Variants in TOX observed in about 807,000 individuals in gnomAD.
The protein encoded by TOX is thymocyte selection-associated high mobility group box protein TOX.
A neutral mutation model predicts 53.7 loss-of-function variants in TOX; 11 were observed. The observed-to-expected ratio is 0.20, with a 90% CI of 0.13 to 0.34. The LOEUF (loss-of-function observed/expected upper bound fraction) is 0.34. TOX is among the 10% of genes least tolerant of loss of function. The pLI is 1.00. For missense variants in TOX, 570 were observed against 664.6 expected, an observed-to-expected ratio of 0.86 and a Z score of 1.56; for synonymous variants, 225 against 245.3, an observed-to-expected ratio of 0.92 and a Z score of 0.77.
chr8:58,868,934 G>C (rs181442533), intron 3 of TOX, among the ~76,000 whole-genome samples: 1 of 150,044 alleles, frequency 6.7e-6, no homozygotes, highest in African/African-American at 2.4e-5. Flanking sequence ...TAGACCTCTA[G>C]ACAGGCTAGT....
At chr8:58,814,103 AT>A (rs1810131608) in intron 7 of TOX, among the ~76,000 whole-genome samples, 1 of 152,202 alleles carries the variant, frequency 6.6e-6, no homozygotes, top group African/African-American at 2.4e-5. Flanking sequence ...TATTAAAAGC[AT>A]TGGGCTTGTT....
At chr8:58,985,716 T>C (rs1482929763) in intron 1 of TOX, among the ~76,000 whole-genome samples, 1 of 152,250 alleles carries the variant, frequency 6.6e-6, no homozygotes, top group Non-Finnish European at 1.5e-5. Context: ...AAGGCAGGAC[T>C]GGTATACATT....
In TOX at chr8:58,840,309, A is replaced by G. The variant is rs138981927; in HGVS notation, c.694-1998T>C. Among the ~76,000 whole-genome samples the G allele has an allele frequency of 3.1e-4, 47 of 152,322 alleles. No individual in the cohort carries two copies. The East Asian group carries it at 8.9e-3, about 29-fold the overall frequency. ...GTGAACCAAGTTGACAAGCTAATGT[A>G]GATTAACACTAGATGATAACTTCCC... On this transcript the variant is annotated intron_variant, in intron 4 of 8. Transcript: ENST00000361421.
At chr8:59,071,420 A>G (rs1804195761) in intron 1 of TOX, among the ~76,000 whole-genome samples, 1 of 152,244 alleles carries the variant, frequency 6.6e-6, no homozygotes, top group Admixed American at 6.5e-5. Context: ...CCTCCAAAAC[A>G]AAGATGTTCC....
chr8:58,966,071 A>G (rs1175946719), intron 1 of TOX, among the ~76,000 whole-genome samples: 1 of 152,050 alleles, frequency 6.6e-6, no homozygotes, highest in African/African-American at 2.4e-5. Context: ...TCCAGTGAAA[A>G]CTGAGCAAAG....
intron 1 of TOX, among the ~76,000 whole-genome samples, chr8:59,104,905 T>C (rs986305608): frequency 3.3e-5 from 5 of 152,208 alleles, no homozygotes; most frequent in African/African-American, 1.2e-4. Context: ...ACATCAATTA[T>C]ACTGTGGTTC....
intron 3 of TOX, among the ~76,000 whole-genome samples, chr8:58,910,467 C>G (rs140215949): frequency 4.5e-4 from 69 of 152,246 alleles, no homozygotes; most frequent in African/African-American, 1.6e-3. Flanking sequence ...CCTGTGTGAA[C>G]AGAAATACCA....
At chr8:58,857,161 T>C (rs1205316217) in intron 3 of TOX, among the ~76,000 whole-genome samples, 1 of 152,198 alleles carries the variant, frequency 6.6e-6, no homozygotes, top group African/African-American at 2.4e-5. Context: ...ACAATTAGAA[T>C]TGATGATGCC....
intron 1 of TOX, among the ~76,000 whole-genome samples, chr8:59,078,779 G>A (rs576625555): frequency 7.2e-4 from 109 of 152,328 alleles, no homozygotes; most frequent in Middle Eastern, 3.4e-3. Flanking sequence ...ACAGTTTGGA[G>A]GGCTCAGAAG....
chr8:58,898,127 T>A (rs1024720114), intron 3 of TOX, among the ~76,000 whole-genome samples: 2 of 152,184 alleles, frequency 1.3e-5, no homozygotes, highest in African/African-American at 4.8e-5. Context: ...ATCTCATAAT[T>A]CTATGCAAAT....
chr8:59,062,051 A>G (rs573042227), intron 1 of TOX, among the ~76,000 whole-genome samples: 128 of 152,284 alleles, frequency 8.4e-4, no homozygotes, highest in African/African-American at 2.8e-3. Context: ...TGGGATCTCC[A>G]GTGTGTCTCT....
intron 3 of TOX, among the ~76,000 whole-genome samples, chr8:58,935,041 A>C (rs1212834324): frequency 6.6e-5 from 10 of 152,234 alleles, no homozygotes; most frequent in African/African-American, 2.4e-4. Context: ...GTTGATGTCT[A>C]ATATATTAGG....
intron 3 of TOX, among the ~76,000 whole-genome samples, chr8:58,874,274 T>C (rs1349838385): frequency 6.6e-6 from 1 of 151,998 alleles, no homozygotes; most frequent in Non-Finnish European, 1.5e-5. Flanking sequence ...AGGGAAAGTT[T>C]TTTAGTTTAG....
At chr8:58,947,226 T>A (rs1007569307) in intron 2 of TOX, among the ~76,000 whole-genome samples, 1 of 152,132 alleles carries the variant, frequency 6.6e-6, no homozygotes, top group Non-Finnish European at 1.5e-5. Context: ...AATACAAATT[T>A]CAGATAATTT....
chr8:58,839,725 G>T (rs1475559107), intron 4 of TOX, among the ~76,000 whole-genome samples: 1 of 152,260 alleles, frequency 6.6e-6, no homozygotes, highest in East Asian at 1.9e-4. Context: ...ACCTTCTATT[G>T]TGGTGGTTGT....
intron 3 of TOX, among the ~76,000 whole-genome samples, chr8:58,874,311 A>G (rs1811249618): frequency 6.6e-6 from 1 of 152,010 alleles, no homozygotes; most frequent in Admixed American, 6.6e-5. Flanking sequence ...ATTCAGAATG[A>G]TGGAATTTTT....
rs1001588051 is a variant in TOX at position 59,107,353 on chromosome 8, C to A, written c.102+11533G>T. 3.3e-4 allele frequency among the ~76,000 whole-genome samples: 50 copies of A among 152,092 alleles called. 1 individual carries two copies. The highest frequency in any genetic ancestry group is 5.9e-5 in the Non-Finnish European group (4 of 68,018). On this transcript the variant is annotated intron_variant, in intron 1 of 8. Transcript: ENST00000361421. Reference sequence around the variant, plus strand: ...GTTGAACATCTAATCAAAGACTGTGCCCTTCATAATAGCATATTAGTGTGC... The same window carrying A: ...GTTGAACATCTAATCAAAGACTGTGACCTTCATAATAGCATATTAGTGTGC...
chr8:58,913,652 A>G (rs143178186), intron 3 of TOX, among the ~76,000 whole-genome samples: 1 of 152,158 alleles, frequency 6.6e-6, no homozygotes, highest in South Asian at 2.1e-4. Flanking sequence ...GTTTCATAAA[A>G]TTTTTTATTT....
chr8:59,108,866 T>C (rs1804961650), intron 1 of TOX, among the ~76,000 whole-genome samples: 2 of 152,154 alleles, frequency 1.3e-5, no homozygotes, highest in Non-Finnish European at 2.9e-5. Flanking sequence ...CTATAAATTG[T>C]TGTCTACCTA....
Sources: allele counts gnomAD v4.1 joint callset (sites outside exome capture counted in the v4.1 genomes callset), GRCh38; gene constraint gnomAD v4.1.1; transcripts MANE v1.5; gene names NCBI Gene and HGNC (gene_info 2026-07-23, HGNC 2026-07-21).